The following RBM41 variants were observed in gnomAD, a reference collection of about 807,000 sequenced individuals.
The protein encoded by RBM41 is RNA binding motif protein 41, also known as RNA-binding protein 41.
In RBM41, 14 loss-of-function variants were observed where a neutral mutation model predicts 30.8. That is an observed-to-expected ratio of 0.45 (90% CI 0.30 to 0.71). The LOEUF is 0.71. RBM41 is among the 30% of genes least tolerant of loss of function. The probability of loss-of-function intolerance (pLI) is 0.08; values close to 1 mark genes in which losing one functional copy is unlikely to be tolerated. For missense variants in RBM41, 276 were observed against 326.3 expected, an observed-to-expected ratio of 0.85 and a Z score of 1.19; for synonymous variants, 120 against 110.1, an observed-to-expected ratio of 1.09 and a Z score of -0.56.
chrX:107,068,340 A>AT (rs1935918681), intron 7 of RBM41, among the ~76,000 whole-genome samples: 1 of 110,452 alleles, frequency 9.1e-6, no homozygotes, highest in Non-Finnish European at 1.9e-5. Context: ...CATATATATA[A>AT]GTACTACAAA....
the RBM41 span, among the ~76,000 whole-genome samples, chrX:107,056,065 T>A: frequency 1.8e-5 from 2 of 112,305 alleles, no homozygotes; most frequent in African/African-American, 6.5e-5. Flanking sequence ...TTGAAGAAGT[T>A]CCCTTCTATT....
In RBM41 at chrX:107,065,693, T is replaced by C. The variant is rs1682049; in HGVS notation, c.*1834A>G. On this transcript the variant is annotated 3_prime_UTR_variant, in exon 8 of 8. Coordinates refer to ENST00000685964, the MANE Select transcript of RBM41 (RefSeq NM_001324242.2). The stretch of plus-strand genomic sequence containing the variant: ...GTTCTCTCCATTTGTTCCTGTGGAT[T>C]TGTCTTACCATCTGGAGTCAGTTCT... 1 of 1,111,473 alleles carries C rather than the reference T, an allele frequency of 9.0e-7. No homozygotes were observed. 91.6% of individuals were successfully genotyped at this position (1,111,473 alleles called of 1,213,427 possible).
intron 5 of RBM41, among the ~76,000 whole-genome samples, chrX:107,096,377 G>C (rs1356935901): frequency 8.9e-6 from 1 of 111,934 alleles, no homozygotes; most frequent in Non-Finnish European, 1.9e-5. Flanking sequence ...TTACTATAAA[G>C]GTACAGTAAA....
At chrX:107,091,082 AGTTT>A (rs1215133102) in intron 5 of RBM41, among the ~76,000 whole-genome samples, 1 of 110,563 alleles carries the variant, frequency 9.0e-6, no homozygotes, top group African/African-American at 3.3e-5. Context: ...TTCTTGTGTT[AGTTT>A]GTTGAGCAAG....
At chrX:107,101,557 G>A (rs1326870178) in intron 5 of RBM41, among the ~76,000 whole-genome samples, 1 of 111,694 alleles carries the variant, frequency 9.0e-6, no homozygotes, top group Non-Finnish European at 1.9e-5. Context: ...GGCAGAGGCA[G>A]AGATTAGAGA....
At position 107,067,139 on chromosome X, in the gene RBM41, T is replaced by C; in HGVS notation, c.*388A>G. On this transcript the variant is annotated 3_prime_UTR_variant, in exon 8 of 8. Coordinates refer to ENST00000685964, the MANE Select transcript of RBM41 (RefSeq NM_001324242.2). ...CAAATGGGCTCTAGTAAAGAAATAT[T>C]TCAACATTTAATTAGTTTTTTATTT... The C allele has an allele frequency of 1.3e-6, 1 of 749,238 alleles. No individual in the cohort carries two copies. Among genetic ancestry groups the C allele is most frequent in the Non-Finnish European group, 1.6e-6 (1 of 634,265 alleles). 61.7% of individuals were successfully genotyped at this position (749,238 alleles called of 1,213,427 possible).
At chrX:107,107,454 T>C (rs1443851482) in intron 5 of RBM41, among the ~76,000 whole-genome samples, 1 of 111,592 alleles carries the variant, frequency 9.0e-6, no homozygotes, top group Non-Finnish European at 1.9e-5. Context: ...AAAATACTAT[T>C]TATAAGGAAT....
chrX:107,093,020 A>G (rs1922681453), intron 5 of RBM41, among the ~76,000 whole-genome samples: 1 of 112,038 alleles, frequency 8.9e-6, no homozygotes, highest in African/African-American at 3.2e-5. Flanking sequence ...ATGAAATACT[A>G]TCATCCAAAG....
chrX:107,105,137 A>G (rs912653062), intron 5 of RBM41, among the ~76,000 whole-genome samples: 11 of 111,526 alleles, frequency 9.9e-5, no homozygotes, highest in African/African-American at 3.6e-4. Flanking sequence ...TCAGCCCAAA[A>G]TCTCCTTAAG....
chrX:107,066,890 C>T lies in RBM41; in HGVS notation c.*637G>A, dbSNP rs1294991316. Reference sequence around the variant, plus strand: ...TTCAATGATACTCAATGGTTGCTAGCTTAAATGGCTGTGAGAACACCAACA... The same window carrying T: ...TTCAATGATACTCAATGGTTGCTAGTTTAAATGGCTGTGAGAACACCAACA... On this transcript the variant is annotated 3_prime_UTR_variant, in exon 8 of 8. Coordinates refer to ENST00000685964, the MANE Select transcript of RBM41 (RefSeq NM_001324242.2). 1.4e-6 allele frequency: 1 copy of T among 739,847 alleles called. No individual in the cohort carries two copies. The highest frequency in any genetic ancestry group is 1.6e-6 in the Non-Finnish European group (1 of 626,398). The allele number at this position is 739,847 out of a possible 1,213,427, so 61.0% of individuals were successfully genotyped here.
chrX:107,110,376 C>T (rs1754452282), intron 5 of RBM41, among the ~76,000 whole-genome samples: 1 of 111,225 alleles, frequency 9.0e-6, no homozygotes, highest in African/African-American at 3.3e-5. Flanking sequence ...TGAAACAATA[C>T]TTGAAAACAT....
Position 107,085,145 on chromosome X carries a change from T to C in RBM41, c.999+3291A>G, listed in dbSNP as rs150727896. ...AGTGAGACTGCTGACTTACAGTGTA[T>C]GAAGATCTTCAATTTTACTAGACAT... On this transcript the variant is annotated intron_variant, in intron 6 of 7. Coordinates refer to ENST00000685964, the MANE Select transcript of RBM41 (RefSeq NM_001324242.2). Among the ~76,000 whole-genome samples, 1,035 of 111,864 alleles carry C rather than the reference T, an allele frequency of 9.3e-3. 14 individuals carry two copies. Among genetic ancestry groups the C allele is most frequent in the African/African-American group, 0.032 (976 of 30,871 alleles).
At chrX:107,109,831 T>C (rs1014249796) in intron 5 of RBM41, among the ~76,000 whole-genome samples, 5 of 111,626 alleles carry the variant, frequency 4.5e-5, no homozygotes, top group Non-Finnish European at 7.6e-5. Flanking sequence ...GTTCTAATAT[T>C]CCTTTTGATT....
the RBM41 span, among the ~76,000 whole-genome samples, chrX:107,056,811 CTT>C: frequency 8.6e-4 from 84 of 97,157 alleles, 1 homozygote; most frequent in African/African-American, 3.0e-3. Flanking sequence ...CTCAAATAAT[CTT>C]TTTTTTTTTT....
rs145930983 is a variant in RBM41, at chrX:107,090,058, A to T, written c.596-1219T>A. ...TCTTTGCCATTATTTACCAATTATG[A>T]GAGTAAGAGTTGACATCTTAGAAAT... On this transcript the variant is annotated intron_variant, in intron 5 of 7. Coordinates refer to ENST00000685964, the MANE Select transcript of RBM41 (RefSeq NM_001324242.2). Among the ~76,000 whole-genome samples, 287 of 112,378 alleles carry T rather than the reference A, an allele frequency of 2.6e-3. 8 individuals are homozygous for T. The East Asian group carries it at 0.064, about 25-fold the overall frequency.
At chrX:107,098,773 G>T (rs1467975990) in intron 5 of RBM41, among the ~76,000 whole-genome samples, 1 of 111,510 alleles carries the variant, frequency 9.0e-6, no homozygotes, top group Non-Finnish European at 1.9e-5. Context: ...GGCCAAGGAG[G>T]GCAGATCACC....
At chrX:107,057,745 T>A (rs1421222223), downstream of RBM41, among the ~76,000 whole-genome samples, 2 of 111,952 alleles carry the variant, frequency 1.8e-5, no homozygotes, top group African/African-American at 6.5e-5. Context: ...AAAAAACTTC[T>A]GCATAGCAAA....
chrX:107,104,150 G>A (rs1056426296), intron 5 of RBM41, among the ~76,000 whole-genome samples: 3 of 109,665 alleles, frequency 2.7e-5, no homozygotes, highest in African/African-American at 6.6e-5. Flanking sequence ...TTTATACACC[G>A]GTCAAAAGTC....
chrX:107,090,885 G>GCA (rs1342913617), intron 5 of RBM41, among the ~76,000 whole-genome samples: 1 of 110,040 alleles, frequency 9.1e-6, no homozygotes, highest in East Asian at 2.8e-4. Flanking sequence ...GTGGTTTGCT[G>GCA]CACCTATCAA....
Sources: gnomAD v4.1 joint callset for allele counts (sites outside exome capture counted in the v4.1 genomes callset) on GRCh38, gnomAD v4.1.1 for gene constraint, MANE v1.5 for transcripts, NCBI Gene and HGNC (gene_info 2026-07-23, HGNC 2026-07-21) for gene names.